The following PLCD4 variants were observed in gnomAD, a reference collection of about 807,000 sequenced individuals.
The protein encoded by PLCD4 is phospholipase C delta 4, also known as 1-phosphatidylinositol 4,5-bisphosphate phosphodiesterase delta-4.
Under a neutral mutation model 90.2 loss-of-function variants are expected in PLCD4, and 63 were observed. The ratio of observed to expected loss-of-function variants is 0.70; its 90% CI spans 0.57 to 0.86. PLCD4 has a LOEUF of 0.86. Among genes scored for constraint, PLCD4 ranks in the 40% least tolerant of loss-of-function variants. The pLI, the probability that PLCD4 is intolerant of heterozygous loss-of-function variation, is 0.00. For synonymous variants in PLCD4, 294 were observed against 356.5 expected (o/e 0.82, Z 1.97); for missense variants, 830 against 956.3 (o/e 0.87, Z 1.74).
At chr2:218,611,639 C>T (rs760009181) in intron 1 of PLCD4, among the ~76,000 whole-genome samples, 5 of 152,196 alleles carry the variant, frequency 3.3e-5, no homozygotes, top group African/African-American at 1.2e-4. Flanking sequence ...CACTCCGTCA[C>T]CCAGGCTGGA....
intron 5 of PLCD4, 54 bp downstream of exon 5, chr2:218,621,653 G>A: frequency 1.2e-6 from 2 of 1,608,036 alleles, no homozygotes; most frequent in Non-Finnish European, 1.7e-6. Context: ...TTTTCATTTG[G>A]CCAGAAGTCC....
intron 3 of PLCD4, among the ~76,000 whole-genome samples, chr2:218,616,898 T>TTTTATATA (rs1553571887): frequency 1.6e-4 from 1 of 6,254 alleles, no homozygotes; most frequent in African/African-American, 3.3e-4. Context: ...AGCCATTATT[T>TTTTATATA]TATATATATA....
intron 6 of PLCD4, among the ~76,000 whole-genome samples, chr2:218,625,852 T>A (rs543328385): frequency 6.6e-6 from 1 of 152,240 alleles, no homozygotes; most frequent in East Asian, 1.9e-4. Context: ...GAGAATCGAT[T>A]GAACCCGGGA....
chr2:218,608,595 T>G (rs929966284), intron 1 of PLCD4, among the ~76,000 whole-genome samples: 3 of 152,186 alleles, frequency 2.0e-5, no homozygotes, highest in Admixed American at 2.0e-4. Context: ...GAAAACCTAC[T>G]TCTAGTTCTG....
Position 218,634,297 on chromosome 2 carries a change from G to C in PLCD4, c.1723+76G>C. The C allele has an allele frequency of 1.3e-6, 2 of 1,572,504 alleles. No individual in the cohort carries two copies. The highest frequency in any genetic ancestry group is 1.7e-6 in the Non-Finnish European group (2 of 1,159,142). On this transcript the variant is annotated intron_variant, in intron 12 of 15. Transcript: ENST00000450993. This position sits in a 1 kb window ranked among gnomAD's most constrained non-coding sequence, Gnocchi z 4.0. ...GAAATAAGTTCTCTAGTGATGGTAG[G>C]GTTGGGGAATGCTCAAGAAAATTGC...
chr2:218,634,375 T>C lies in PLCD4; in HGVS notation c.1724-83T>C. 6.4e-7 allele frequency: 1 copy of C among 1,573,420 alleles called. No individual in the cohort carries two copies. Among genetic ancestry groups the C allele is most frequent in the Non-Finnish European group, 8.6e-7 (1 of 1,157,148 alleles). On this transcript the variant is annotated intron_variant, in intron 12 of 15. Transcript: ENST00000450993. This position sits in a 1 kb window ranked among gnomAD's most constrained non-coding sequence, Gnocchi z 4.0. ...TTACCAGCAGGTACCGTGCACCCAGTACCTATCTTCTTAACTCCCTGAAAG... is the reference window on the plus strand; with the variant it reads ...TTACCAGCAGGTACCGTGCACCCAGCACCTATCTTCTTAACTCCCTGAAAG...
Position 218,635,998 on chromosome 2 carries a change from T to G in PLCD4, c.2032+67T>G. ...GATTAGTTTTCCTTCTAGTCTGTCTTCCATTAAGTATAGCATCTGTTATTG... is the reference window on the plus strand; with the variant it reads ...GATTAGTTTTCCTTCTAGTCTGTCTGCCATTAAGTATAGCATCTGTTATTG... On this transcript the variant is annotated intron_variant, in intron 14 of 15. Transcript: ENST00000450993. 5.0e-6 allele frequency: 8 copies of G among 1,607,320 alleles called. No individual in the cohort carries two copies. In the South Asian group the frequency reaches 8.9e-5, roughly 18 times the overall value.
chr2:218,623,751 C>T (rs749079262), intron 6 of PLCD4, among the ~76,000 whole-genome samples: 1 of 152,166 alleles, frequency 6.6e-6, no homozygotes, highest in Non-Finnish European at 1.5e-5. Context: ...GGCACGATCT[C>T]GGCCCACCAC....
Position 218,618,654 on chromosome 2 carries a change from C to A in PLCD4, c.257C>A (p.Pro86His). Residue 86 changes from proline (P) to histidine (H), a missense_variant, in exon 4 of 16, where the codon CCC becomes CAC. By Grantham distance (77) the Pro-to-His change is moderately conservative. Coordinates refer to ENST00000450993, the MANE Select transcript of PLCD4 (RefSeq NM_032726.4). ...ELLRSLAEELPLEQGFTIVFH... is the reference protein window; with the variant it reads ...ELLRSLAEELHLEQGFTIVFH... The stretch of plus-strand genomic sequence containing the variant: ...CTGCGTAGCCTGGCAGAGGAGCTCC[C>A]CCTGGAGCAGGGCTTCACCATTGTC... 6.2e-7 allele frequency: 1 copy of A among 1,614,058 alleles called. No individual in the cohort carries two copies. Among genetic ancestry groups the A allele is most frequent in the Non-Finnish European group, 8.5e-7 (1 of 1,179,896 alleles).
Position 218,628,221 on chromosome 2 carries a change from G to A in PLCD4, c.965G>A (p.Gly322Glu). 6.2e-7 allele frequency: 1 copy of A among 1,613,838 alleles called. No homozygotes were observed. Among genetic ancestry groups the A allele is most frequent in the Admixed American group, 1.7e-5 (1 of 60,034 alleles). The change falls in exon 7 of 16, where the codon GGA becomes GAA. Residue 322 changes from glycine to glutamate, a missense_variant. Physicochemically the swap from Gly to Glu is moderately conservative, Grantham distance 98. Transcript: ENST00000450993. ...DQLCGQSSVE[G>E]YIRALKRGCR... The stretch of plus-strand genomic sequence containing the variant: ...CTTTGTGGCCAGAGCAGCGTCGAGG[G>A]ATATATACGGTGCAGTGGTGGTAGA...
chr2:218,623,556 A>T (rs1695976746), intron 6 of PLCD4, among the ~76,000 whole-genome samples: 1 of 152,254 alleles, frequency 6.6e-6, no homozygotes, highest in South Asian at 2.1e-4. Flanking sequence ...ATACTTTACA[A>T]GGAACTTTCA....
Position 218,634,052 on chromosome 2 carries a change from G to A in PLCD4, c.1607-53G>A. The A allele has an allele frequency of 6.4e-7, 1 of 1,557,486 alleles. No homozygotes were observed. Among genetic ancestry groups the A allele is most frequent in the Non-Finnish European group, 8.7e-7 (1 of 1,150,094 alleles). ...GAGTAGGCATGGTCCTTGGGACTAG[G>A]GAAGTGGGAGATTCCACCCCACTTC... On this transcript the variant is annotated intron_variant, in intron 11 of 15. Coordinates refer to ENST00000450993, the MANE Select transcript of PLCD4 (RefSeq NM_032726.4). This position sits in a 1 kb window ranked among gnomAD's most constrained non-coding sequence, Gnocchi z 4.0.
chr2:218,619,117 G>T (rs1243843396), intron 4 of PLCD4, among the ~76,000 whole-genome samples: 2 of 152,084 alleles, frequency 1.3e-5, no homozygotes, highest in Non-Finnish European at 2.9e-5. Flanking sequence ...GCATTAACCA[G>T]CATGTAGGTG....
chr2:218,611,516 T>C (rs1175441072), intron 1 of PLCD4, among the ~76,000 whole-genome samples: 1 of 152,188 alleles, frequency 6.6e-6, no homozygotes, highest in Non-Finnish European at 1.5e-5. Context: ...AAAATTCAGA[T>C]AGGAGATAAG....
At chr2:218,621,936 C>T (rs982658957) in intron 5 of PLCD4, among the ~76,000 whole-genome samples, 3 of 151,716 alleles carry the variant, frequency 2.0e-5, no homozygotes, top group African/African-American at 4.8e-5. Context: ...AAAAATTAGC[C>T]GGGTGTGGTT....
chr2:218,612,454 A>C (rs1695382204), intron 1 of PLCD4, among the ~76,000 whole-genome samples: 1 of 152,152 alleles, frequency 6.6e-6, no homozygotes, highest in Non-Finnish European at 1.5e-5. Context: ...CTCACTCTGG[A>C]TACCTATACA....
chr2:218,617,458 T>C (rs1369728382), intron 3 of PLCD4, among the ~76,000 whole-genome samples: 1 of 151,154 alleles, frequency 6.6e-6, no homozygotes, highest in East Asian at 2.0e-4. Context: ...GCACCTGTAG[T>C]CCCAGCTACT....
intron 4 of PLCD4, among the ~76,000 whole-genome samples, chr2:218,620,710 T>C (rs1695833678): frequency 6.6e-6 from 1 of 150,664 alleles, no homozygotes; most frequent in Admixed American, 6.6e-5. Flanking sequence ...AGCGAGACTC[T>C]GTCTAAAACA....
chr2:218,633,692 G>A lies in PLCD4; in HGVS notation c.1537G>A (p.Glu513Lys). The change falls in exon 11 of 16, where the codon GAG (glutamate) becomes AAG (lysine). Residue 513 changes from glutamate to lysine, a missense_variant. Coordinates refer to ENST00000450993, the MANE Select transcript of PLCD4 (RefSeq NM_032726.4). ...VSFRSFTHSKEHYHFYEISSF... is the reference protein window; with the variant it reads ...VSFRSFTHSKKHYHFYEISSF... ...ATTCCGCAGCTTCACACATTCAAAG[G>A]AGCACTACCACTTCTACGAGATATC... 6.2e-7 allele frequency: 1 copy of A among 1,613,834 alleles called. No individual in the cohort carries two copies. Among genetic ancestry groups the A allele is most frequent in the Non-Finnish European group, 8.5e-7 (1 of 1,179,822 alleles).
Sources: gnomAD v4.1 joint callset for allele counts (sites outside exome capture counted in the v4.1 genomes callset) on GRCh38, gnomAD v4.1.1 for gene constraint, Gnocchi (gnomAD v3.1) non-coding constraint, MANE v1.5 for transcripts, NCBI Gene and HGNC (gene_info 2026-07-23, HGNC 2026-07-21) for gene names.